RBM33: variants seen among roughly 807,000 people sequenced by gnomAD.
RBM33 encodes the protein RNA-binding protein 33.
Under a neutral mutation model 132.6 loss-of-function variants are expected in RBM33, and 28 were observed. The observed-to-expected ratio is 0.21, with a 90% CI of 0.16 to 0.29. The LOEUF (loss-of-function observed/expected upper bound fraction) is 0.29, where lower values mean the gene tolerates loss of function less well. Ranked by LOEUF, RBM33 falls within the 10% of genes least tolerant of loss-of-function variation. The pLI, the probability that RBM33 is intolerant of heterozygous loss-of-function variation, is 1.00. For missense variants in RBM33, 1,291 were observed against 1,518.5 expected, an observed-to-expected ratio of 0.85 and a Z score of 2.49; for synonymous variants, 634 against 593.0, an observed-to-expected ratio of 1.07 and a Z score of -1.01.
intron 3 of RBM33, among the ~76,000 whole-genome samples, chr7:155,673,762 A>ACGCGCG (rs1563137987): frequency 4.3e-5 from 1 of 23,134 alleles, no homozygotes; most frequent in African/African-American, 1.4e-4. Flanking sequence ...ATACGCGCGC[A>ACGCGCG]TGCGCGCACA....
At chr7:155,773,516 T>C (rs1802497754) in intron 16 of RBM33, among the ~76,000 whole-genome samples, 1 of 133,356 alleles carries the variant, frequency 7.5e-6, no homozygotes, top group South Asian at 2.3e-4. Context: ...TGCAGTGAGC[T>C]GAGATCCTGC....
intron 5 of RBM33, among the ~76,000 whole-genome samples, chr7:155,685,522 A>G (rs1348077831): frequency 6.6e-6 from 1 of 152,188 alleles, no homozygotes; most frequent in Non-Finnish European, 1.5e-5. Context: ...GTGATGGGAA[A>G]ACAAAAGTAA....
Position 155,774,945 on chromosome 7 carries a change from T to C in RBM33, c.3465-48T>C. 6.3e-7 allele frequency: 1 copy of C among 1,579,588 alleles called. No homozygotes were observed. The highest frequency in any genetic ancestry group is 8.7e-7 in the Non-Finnish European group (1 of 1,148,726). On this transcript the variant is annotated intron_variant, in intron 17 of 17. Transcript: ENST00000401878. This position sits in a 1 kb window ranked among gnomAD's most constrained non-coding sequence, Gnocchi z 4.2. ...GTTTCCTCCCACCTTGGTAGGTTGA[T>C]TGCCGATGTGCAGGGTTAGTGTCGA...
chr7:155,770,894 G>C (rs1257915641), intron 16 of RBM33, among the ~76,000 whole-genome samples: 7 of 152,216 alleles, frequency 4.6e-5, no homozygotes, highest in Non-Finnish European at 1.0e-4. Context: ...TTACGGTTCT[G>C]GATGGGATTG....
chr7:155,738,552 C>A, intron 11 of RBM33, 149 bp downstream of exon 11: 1 of 744,462 alleles, frequency 1.3e-6, no homozygotes, highest in Admixed American at 3.2e-5. Context: ...TTGTTAAAGA[C>A]AACTTTTTTC....
chr7:155,673,945 T>TGTTGG (rs1563138321), intron 3 of RBM33, among the ~76,000 whole-genome samples: 1 of 88,482 alleles, frequency 1.1e-5, no homozygotes, highest in African/African-American at 5.2e-5. Context: ...GCTTAGTTTT[T>TGTTGG]TTTTTTTTTT....
chr7:155,700,992 T>C (rs1345199426), intron 6 of RBM33, 48 bp downstream of exon 6: 1 of 1,443,438 alleles, frequency 6.9e-7, no homozygotes, highest in Admixed American at 1.8e-5. Flanking sequence ...CATTTCAACT[T>C]CCTCCATAGT....
chr7:155,668,164 A>G (rs913386573), intron 2 of RBM33, among the ~76,000 whole-genome samples: 1 of 152,162 alleles, frequency 6.6e-6, no homozygotes, highest in African/African-American at 2.4e-5. Flanking sequence ...ATATATCTAC[A>G]TACATATGTA....
At chr7:155,693,425 T>C (rs1192004327) in intron 5 of RBM33, among the ~76,000 whole-genome samples, 1 of 152,056 alleles carries the variant, frequency 6.6e-6, no homozygotes, top group Non-Finnish European at 1.5e-5. Flanking sequence ...AAGTAAGAGC[T>C]CATCCATATT....
chr7:155,683,132 G>A (rs1799381571), intron 5 of RBM33, among the ~76,000 whole-genome samples: 1 of 152,152 alleles, frequency 6.6e-6, no homozygotes, highest in Non-Finnish European at 1.5e-5. Flanking sequence ...CTTGATACAT[G>A]TGTTCTAGCC....
chr7:155,741,632 G>A (rs966943080), intron 12 of RBM33, among the ~76,000 whole-genome samples, 187 bp from the exon 13 acceptor site: 1 of 152,190 alleles, frequency 6.6e-6, no homozygotes, highest in Admixed American at 6.5e-5. Context: ...GATGAGGCAT[G>A]CTGCCACATG....
chr7:155,708,354 G>A (rs892190809), intron 7 of RBM33, among the ~76,000 whole-genome samples: 8 of 152,150 alleles, frequency 5.3e-5, no homozygotes, highest in African/African-American at 1.9e-4. Flanking sequence ...GTTGCTCCCT[G>A]TCTCCGCCGC....
At chr7:155,761,577 G>A (rs1394863126) in intron 14 of RBM33, among the ~76,000 whole-genome samples, 1 of 152,182 alleles carries the variant, frequency 6.6e-6, no homozygotes, top group Non-Finnish European at 1.5e-5. Context: ...GTGTGTTGAT[G>A]TAAAGTTGCT....
intron 5 of RBM33, 81 bp from the exon 6 acceptor site, chr7:155,700,692 A>G: frequency 1.9e-6 from 2 of 1,055,560 alleles, no homozygotes; most frequent in Non-Finnish European, 1.3e-6. Flanking sequence ...AAACAATTAA[A>G]TATTTTAGCA....
chr7:155,718,755 G>A (rs1800538418), intron 9 of RBM33, among the ~76,000 whole-genome samples: 1 of 152,144 alleles, frequency 6.6e-6, no homozygotes, highest in African/African-American at 2.4e-5. Flanking sequence ...CTTTATTAGA[G>A]AGGTGGGGGG....
At chr7:155,719,095 G>T (rs1585483284) in intron 9 of RBM33, among the ~76,000 whole-genome samples, 1 of 151,958 alleles carries the variant, frequency 6.6e-6, no homozygotes, top group East Asian at 1.9e-4. Flanking sequence ...AGTTATATTT[G>T]TTTAAATATA....
At chr7:155,764,135 A>C in intron 15 of RBM33, 117 bp downstream of exon 15, 1 of 782,724 alleles carries the variant, frequency 1.3e-6, no homozygotes. Flanking sequence ...TTCATAAGTG[A>C]ACCATCATTT....
intron 1 of RBM33, among the ~76,000 whole-genome samples, chr7:155,648,276 G>T (rs1798257052): frequency 6.6e-6 from 1 of 152,130 alleles, no homozygotes; most frequent in South Asian, 2.1e-4. Flanking sequence ...ATACACTGCT[G>T]GGATGAGTTA....
At chr7:155,661,906 T>G (rs1798662025) in intron 1 of RBM33, among the ~76,000 whole-genome samples, 1 of 152,150 alleles carries the variant, frequency 6.6e-6, no homozygotes, top group South Asian at 2.1e-4. Flanking sequence ...AGGTTATATA[T>G]CTTCTTGTTT....
Sources: allele counts gnomAD v4.1 joint callset (sites outside exome capture counted in the v4.1 genomes callset), GRCh38; gene constraint gnomAD v4.1.1; non-coding constraint Gnocchi (gnomAD v3.1); transcripts MANE v1.5; gene names NCBI Gene and HGNC (gene_info 2026-07-23, HGNC 2026-07-21).